The following IL1RAPL2 variants were observed in gnomAD, a reference collection of about 807,000 sequenced individuals.
The protein encoded by IL1RAPL2 is interleukin 1 receptor accessory protein like 2.
IL1RAPL2 carries 3 observed loss-of-function variants against 44.1 expected under a neutral mutation model. That is an observed-to-expected ratio of 0.07 (90% confidence interval 0.03 to 0.18). The LOEUF is 0.18. IL1RAPL2 is among the 10% of genes least tolerant of loss of function. The pLI, the probability that IL1RAPL2 is intolerant of heterozygous loss-of-function variation, is 1.00. For synonymous variants in IL1RAPL2, 181 were observed against 178.8 expected (o/e 1.01, Z -0.10); for missense variants, 391 against 496.4 (o/e 0.79, Z 2.02).
At chrX:104,987,947 A>G (rs2030592666) in intron 2 of IL1RAPL2, among the ~76,000 whole-genome samples, 1 of 111,691 alleles carries the variant, frequency 9.0e-6, no homozygotes, top group South Asian at 3.8e-4. Context: ...TTCTTTCTAA[A>G]TGCTTAGTTT....
chrX:104,630,405 C>T (rs1929615662), intron 1 of IL1RAPL2, among the ~76,000 whole-genome samples: 2 of 110,567 alleles, frequency 1.8e-5, no homozygotes, highest in African/African-American at 3.3e-5. Context: ...CCTCGGCCTC[C>T]CAAAGTGCTG....
At chrX:105,561,124 T>A (rs2036933553) in intron 6 of IL1RAPL2, among the ~76,000 whole-genome samples, 2 of 111,393 alleles carry the variant, frequency 1.8e-5, no homozygotes, top group Admixed American at 1.9e-4. Context: ...AGTAGCAGAA[T>A]GTCTTACCCA....
chrX:105,035,553 G>A (rs1813823040), intron 2 of IL1RAPL2, among the ~76,000 whole-genome samples: 2 of 111,670 alleles, frequency 1.8e-5, no homozygotes, highest in Non-Finnish European at 3.8e-5. Flanking sequence ...GGTCCCACAG[G>A]GGAATAAAAA....
intron 1 of IL1RAPL2, among the ~76,000 whole-genome samples, chrX:104,646,582 C>A (rs1930044722): frequency 9.0e-6 from 1 of 111,620 alleles, no homozygotes; most frequent in African/African-American, 3.3e-5. Context: ...TAATCCCCAA[C>A]TCTTGGTGGT....
chrX:105,619,238 C>A (rs776797982), intron 6 of IL1RAPL2, among the ~76,000 whole-genome samples: 25 of 104,663 alleles, frequency 2.4e-4, no homozygotes, highest in African/African-American at 1.1e-4. Flanking sequence ...TGGTTAAGAC[C>A]AGAAGGCCAA....
At chrX:104,761,361 C>A (rs1021539918) in intron 2 of IL1RAPL2, among the ~76,000 whole-genome samples, 2 of 110,738 alleles carry the variant, frequency 1.8e-5, no homozygotes, top group African/African-American at 6.6e-5. Flanking sequence ...ATCACAAGAA[C>A]AGCAGCATGG....
At chrX:104,597,744 T>G (rs1029892483) in intron 1 of IL1RAPL2, among the ~76,000 whole-genome samples, 8 of 110,533 alleles carry the variant, frequency 7.2e-5, no homozygotes, top group African/African-American at 9.9e-5. Context: ...ACTTTGAAGT[T>G]TCTAGCTTGA....
intron 2 of IL1RAPL2, among the ~76,000 whole-genome samples, chrX:104,852,473 A>G (rs1425372952): frequency 8.9e-6 from 1 of 111,845 alleles, no homozygotes; most frequent in Non-Finnish European, 1.9e-5. Flanking sequence ...ATGTTTTTGC[A>G]TGAGAATCCT....
intron 6 of IL1RAPL2, among the ~76,000 whole-genome samples, chrX:105,713,185 G>C (rs750596844): frequency 1.8e-5 from 2 of 111,760 alleles, no homozygotes; most frequent in Admixed American, 1.9e-4. Context: ...CTGGAGGATG[G>C]TGGTCCTCTT....
chrX:104,596,904 TGAGA>T (rs1054310703), intron 1 of IL1RAPL2, among the ~76,000 whole-genome samples: 2 of 110,244 alleles, frequency 1.8e-5, no homozygotes, highest in Non-Finnish European at 1.9e-5. Context: ...AGTGGGTGAG[TGAGA>T]GAGAGGCAGG....
At chrX:105,332,091 G>A (rs2034990764) in intron 5 of IL1RAPL2, among the ~76,000 whole-genome samples, 1 of 109,842 alleles carries the variant, frequency 9.1e-6, no homozygotes, top group African/African-American at 3.3e-5. Flanking sequence ...AATAGCAGAA[G>A]GTTCCTGTTG....
chrX:104,652,953 C>T (rs964894104), intron 1 of IL1RAPL2, among the ~76,000 whole-genome samples: 1 of 110,803 alleles, frequency 9.0e-6, no homozygotes, highest in African/African-American at 3.3e-5. Context: ...TTCCCTTTCC[C>T]CTGTGCCTGT....
At chrX:105,278,192 G>T (rs2034501190) in intron 5 of IL1RAPL2, among the ~76,000 whole-genome samples, 1 of 111,751 alleles carries the variant, frequency 8.9e-6, no homozygotes, top group Non-Finnish European at 1.9e-5. Flanking sequence ...GACCAGTTTG[G>T]ATAGCTGGGG....
chrX:105,038,294 A>T lies in IL1RAPL2; in HGVS notation c.83-157181A>T, dbSNP rs957337168. 1.1e-4 allele frequency among the ~76,000 whole-genome samples: 12 copies of T among 111,975 alleles called. No homozygotes were observed. In the Admixed American group the frequency reaches 1.1e-3, roughly 11 times the overall value. ...TCTTTATACTCAACCTCTCAGTAGC[A>T]TCTGATCCTGTTAACCATGTCTTCT... On this transcript the variant is annotated intron_variant, in intron 2 of 10. Transcript: ENST00000372582.
intron 2 of IL1RAPL2, among the ~76,000 whole-genome samples, chrX:105,040,481 G>T (rs1372128805): frequency 5.4e-5 from 6 of 111,050 alleles, no homozygotes; most frequent in Non-Finnish European, 1.1e-4. Flanking sequence ...TGTATCTCTG[G>T]TAGAATTTGG....
chrX:105,710,850 G>A (rs1406131413), intron 6 of IL1RAPL2, among the ~76,000 whole-genome samples: 1 of 107,694 alleles, frequency 9.3e-6, no homozygotes, highest in Non-Finnish European at 1.9e-5. Context: ...GCTGCAAGTG[G>A]GTACTTGATA....
chrX:105,359,778 ATAGTAG>A (rs782013059), intron 5 of IL1RAPL2, among the ~76,000 whole-genome samples: 1 of 108,582 alleles, frequency 9.2e-6, no homozygotes, highest in Admixed American at 1.0e-4. Context: ...ACATTTAGTA[ATAGTAG>A]TAGTTTTAAT....
At position 104,894,493 on chromosome X, in the gene IL1RAPL2, C is replaced by T. The variant is rs756713974; in HGVS notation, c.82+235498C>T. Among the ~76,000 whole-genome samples the T allele has an allele frequency of 3.6e-5, 4 of 111,522 alleles. No individual in the cohort carries two copies. In the East Asian group the frequency reaches 1.1e-3, roughly 32 times the overall value. The stretch of plus-strand genomic sequence containing the variant: ...AGGCTTTATTTTGTTTCTTTTTACT[C>T]TTTTTTTCTCTAAACTTCTCTTCTC... On this transcript the variant is annotated intron_variant, in intron 2 of 10. Transcript: ENST00000372582.
intron 1 of IL1RAPL2, among the ~76,000 whole-genome samples, chrX:104,623,735 A>G (rs1569283219): frequency 9.0e-6 from 1 of 111,499 alleles, no homozygotes; most frequent in Non-Finnish European, 1.9e-5. Context: ...GCCAATTCAA[A>G]TCCACACTTT....
Sources: allele counts gnomAD v4.1 joint callset (sites outside exome capture counted in the v4.1 genomes callset), GRCh38; gene constraint gnomAD v4.1.1; transcripts MANE v1.5; gene names NCBI Gene and HGNC (gene_info 2026-07-23, HGNC 2026-07-21).